TMEM114: variants seen among roughly 807,000 people sequenced by gnomAD.
The protein encoded by TMEM114 is claudin-26.
A neutral mutation model predicts 6.2 loss-of-function variants in TMEM114; 6 were observed. That is an observed-to-expected ratio of 0.97 (90% CI 0.53 to 1.91). The LOEUF is 1.91. Among genes scored for constraint, TMEM114 ranks in the 40% most tolerant of loss-of-function variants. TMEM114 has a pLI of 0.01. For synonymous variants in TMEM114, 104 were observed against 73.0 expected (o/e 1.42, Z -2.16); for missense variants, 218 against 158.3 (o/e 1.38, Z -2.02).
intron 2 of TMEM114, among the ~76,000 whole-genome samples, chr16:8,575,467 C>T (rs865874004): frequency 5.3e-5 from 8 of 152,136 alleles, no homozygotes; most frequent in African/African-American, 1.7e-4. Flanking sequence ...AATTATCTAC[C>T]ATGACCATAG....
At chr16:8,574,833 G>A (rs1004212790) in intron 2 of TMEM114, among the ~76,000 whole-genome samples, 3 of 152,108 alleles carry the variant, frequency 2.0e-5, no homozygotes, top group Non-Finnish European at 2.9e-5. Flanking sequence ...TCGATTAAAC[G>A]CCTGGGTAAG....
intron 2 of TMEM114, among the ~76,000 whole-genome samples, chr16:8,541,455 T>A: frequency 6.6e-6 from 1 of 152,196 alleles, no homozygotes; most frequent in East Asian, 1.9e-4. Context: ...CAGTGATATC[T>A]ACTAAGAGAT....
chr16:8,572,386 G>GACA, intron 2 of TMEM114, 162 bp from the exon 3 acceptor site: 1 of 767,322 alleles, frequency 1.3e-6, no homozygotes, highest in Non-Finnish European at 2.2e-6. Flanking sequence ...TGATGACCAT[G>GACA]ACAACAGTGG....
intron 2 of TMEM114, among the ~76,000 whole-genome samples, chr16:8,540,895 A>G (rs1310073128): frequency 1.3e-5 from 2 of 152,190 alleles, no homozygotes; most frequent in Non-Finnish European, 2.9e-5. Flanking sequence ...TTCCCTGGAG[A>G]GTAAAGTTTG....
At chr16:8,535,858 G>A (rs559084610), downstream of TMEM114, among the ~76,000 whole-genome samples, 426 of 152,242 alleles carry the variant, frequency 2.8e-3, 2 homozygotes, top group South Asian at 0.025. Context: ...TTTTAGCCCC[G>A]GCTCTTTGGG....
the TMEM114 span, among the ~76,000 whole-genome samples, chr16:8,531,245 T>C: frequency 1.3e-5 from 2 of 152,248 alleles, no homozygotes; most frequent in South Asian, 4.1e-4. Flanking sequence ...ACCATTGACA[T>C]TCTTTATGAG....
At chr16:8,565,701 C>A (rs1046553896), downstream of TMEM114, among the ~76,000 whole-genome samples, 1 of 152,156 alleles carries the variant, frequency 6.6e-6, no homozygotes, top group Non-Finnish European at 1.5e-5. Context: ...CAGGCCGGTC[C>A]GTTCACACAA....
intron 2 of TMEM114, among the ~76,000 whole-genome samples, chr16:8,545,267 T>C (rs1273693845): frequency 6.6e-6 from 1 of 151,958 alleles, no homozygotes; most frequent in Non-Finnish European, 1.5e-5. Context: ...GCAAGAGCCC[T>C]TATCTACAAA....
chr16:8,554,481 C>A (rs1216462813), intron 2 of TMEM114, among the ~76,000 whole-genome samples: 3 of 152,100 alleles, frequency 2.0e-5, no homozygotes, highest in African/African-American at 4.8e-5. Context: ...TCTCATAGCC[C>A]CTTCATAGCA....
chr16:8,589,718 C>G lies in TMEM114; in HGVS notation c.121G>C (p.Glu41Gln), dbSNP rs1376714035. ...TCCTGCGCCCCCGGGCCAGTCCTCT[C>G]CAGCCGCTCGGTGTCAATGATATAC... is the stretch of plus-strand genomic sequence containing the variant. The part of the protein sequence containing the change: ...FWYIIDTERL[E>Q]RTGPGAQDLL... Residue 41 changes from glutamate (E) to glutamine (Q), a missense_variant, in exon 1 of 4, where the codon GAG becomes CAG. Physicochemically the swap from Glu to Gln is conservative, Grantham distance 29. Transcript: ENST00000620492. 7 of 398,396 alleles carry G rather than the reference C, an allele frequency of 1.8e-5. No homozygotes were observed. Among genetic ancestry groups the G allele is most frequent in the Non-Finnish European group, 3.1e-5 (7 of 226,048 alleles). The allele number at this position is 398,396 out of a possible 1,614,324, so 24.7% of individuals were successfully genotyped here. A position where few individuals can be genotyped will look rare whatever the true frequency, so the allele number is the denominator to read the frequency against.
chr16:8,554,933 A>G (rs947074389), intron 2 of TMEM114, among the ~76,000 whole-genome samples: 1 of 152,154 alleles, frequency 6.6e-6, no homozygotes, highest in African/African-American at 2.4e-5. Flanking sequence ...CTGTGCCTTG[A>G]GCCCCTATGC....
At chr16:8,538,868 A>C (rs1199589356) in intron 2 of TMEM114, among the ~76,000 whole-genome samples, 2 of 152,140 alleles carry the variant, frequency 1.3e-5, no homozygotes, top group African/African-American at 2.4e-5. Context: ...GTATGTATTT[A>C]ATTTGAATAC....
intron 2 of TMEM114, among the ~76,000 whole-genome samples, chr16:8,587,119 CT>C (rs1255388228): frequency 1.5e-4 from 23 of 149,032 alleles, no homozygotes; most frequent in Non-Finnish European, 2.7e-4. Flanking sequence ...CAAACCAGGG[CT>C]TTTTTTTTTC....
At chr16:8,548,436 C>A (rs1215089649) in intron 2 of TMEM114, among the ~76,000 whole-genome samples, 1 of 152,126 alleles carries the variant, frequency 6.6e-6, no homozygotes, top group Admixed American at 6.5e-5. Flanking sequence ...GGCTTTACAA[C>A]CTTTTATTAT....
the TMEM114 span, among the ~76,000 whole-genome samples, chr16:8,529,032 A>AG: frequency 6.6e-6 from 1 of 152,212 alleles, no homozygotes; most frequent in Admixed American, 6.5e-5. Flanking sequence ...CCTTCCTGCA[A>AG]GGTGGGAAAG....
intron 2 of TMEM114, among the ~76,000 whole-genome samples, chr16:8,564,485 A>AGTGAG (rs1901448626): frequency 4.6e-5 from 1 of 21,830 alleles, no homozygotes; most frequent in Non-Finnish European, 1.1e-4. Context: ...GACGGAGGGA[A>AGTGAG]TGAATGAGTG....
downstream of TMEM114, among the ~76,000 whole-genome samples, chr16:8,537,194 G>A (rs1053004348): frequency 6.6e-5 from 10 of 151,456 alleles, no homozygotes; most frequent in African/African-American, 2.4e-4. Flanking sequence ...AGCAGAGTGA[G>A]ATCCTGTCTC....
At chr16:8,577,369 T>A (rs1901976403) in intron 2 of TMEM114, among the ~76,000 whole-genome samples, 1 of 152,218 alleles carries the variant, frequency 6.6e-6, no homozygotes, top group African/African-American at 2.4e-5. Context: ...CCACCTCAGT[T>A]CTGTCATTCC....
intron 2 of TMEM114, among the ~76,000 whole-genome samples, chr16:8,538,957 C>G (rs1299287889): frequency 1.3e-5 from 2 of 152,182 alleles, no homozygotes; most frequent in Non-Finnish European, 2.9e-5. Context: ...CAGTTTACCA[C>G]TGTGTCCTCC....
Sources: allele counts gnomAD v4.1 joint callset (sites outside exome capture counted in the v4.1 genomes callset), GRCh38; gene constraint gnomAD v4.1.1; transcripts MANE v1.5; gene names NCBI Gene and HGNC (gene_info 2026-07-23, HGNC 2026-07-21).